RUFY2: variants seen among roughly 807,000 people sequenced by gnomAD.
RUFY2 encodes the protein RUN and FYVE domain-containing protein 2.
Under a neutral mutation model 94.4 loss-of-function variants are expected in RUFY2, and 49 were observed. The ratio of observed to expected loss-of-function variants is 0.52; its 90% confidence interval spans 0.41 to 0.66. RUFY2 has a LOEUF of 0.66. Among genes scored for constraint, RUFY2 ranks in the 30% least tolerant of loss-of-function variants. The probability of loss-of-function intolerance (pLI) is 0.00; values close to 1 mark genes in which losing one functional copy is unlikely to be tolerated. For synonymous variants in RUFY2, 255 were observed against 235.7 expected (o/e 1.08, Z -0.75); for missense variants, 541 against 692.8 (o/e 0.78, Z 2.46).
At chr10:68,350,461 A>G (rs997354927) in intron 16 of RUFY2, among the ~76,000 whole-genome samples, 41 of 152,224 alleles carry the variant, frequency 2.7e-4, no homozygotes, top group African/African-American at 9.6e-4. Flanking sequence ...GGTCAACAGC[A>G]TGGAAAAGAA....
At position 68,379,445 on chromosome 10, in the gene RUFY2, G is replaced by C; in HGVS notation, c.1184C>G (p.Ala395Gly). Residue 395 changes from alanine (A) to glycine (G), a missense_variant, in exon 12 of 18, where the codon GCC becomes GGC. This residue lies in a region of RUFY2 where 403 missense variants were observed against 480.7 expected (regional missense o/e 0.84). Transcript: ENST00000602465. Reference protein sequence around the residue: ...LEEKTNKITAAMRQLEQRLQQ... With the variant: ...LEEKTNKITAGMRQLEQRLQQ... Reference sequence around the variant, plus strand: ...GTACCTTTGTTCCAGCTGCCTCATGGCTGCAGTAATTTTATTGGTTTTTTC... The same window carrying C: ...GTACCTTTGTTCCAGCTGCCTCATGCCTGCAGTAATTTTATTGGTTTTTTC... The C allele has an allele frequency of 1.2e-6, 2 of 1,611,694 alleles. No individual in the cohort carries two copies. The highest frequency in any genetic ancestry group is 1.7e-6 in the Non-Finnish European group (2 of 1,179,056).
intron 2 of RUFY2, among the ~76,000 whole-genome samples, chr10:68,402,445 A>T (rs2050920474): frequency 6.6e-6 from 1 of 152,072 alleles, no homozygotes; most frequent in South Asian, 2.1e-4. Flanking sequence ...AAGATAGGCA[A>T]TTTTTCCCAG....
chr10:68,357,840 T>C (rs2047167984), intron 15 of RUFY2, among the ~76,000 whole-genome samples: 1 of 152,192 alleles, frequency 6.6e-6, no homozygotes, highest in African/African-American at 2.4e-5. Flanking sequence ...AATTATCTAC[T>C]GTTGATCTTT....
Position 68,394,116 on chromosome 10 carries a change from A to G in RUFY2, c.543T>C (p.Ser181=), listed in dbSNP as rs766670179. The G allele has an allele frequency of 6.7e-7, 1 of 1,502,712 alleles. No individual in the cohort carries two copies. The highest frequency in any genetic ancestry group is 1.3e-5 in the South Asian group (1 of 78,464). 93.1% of individuals were successfully genotyped at this position (1,502,712 alleles called of 1,614,324 possible). Residue 181 remains serine (S), a synonymous_variant, in exon 6 of 18, where the codon TCT becomes TCC. Transcript: ENST00000602465. ...TATCTTCTTCATTCTTTAAATACAT[A>G]GAAAAATCAATCACTCCAACCTGAA... ...LDSQVGVIDF[S]MYLKNEEDIG...
chr10:68,360,764 A>C lies in RUFY2; in HGVS notation c.1550+2826T>G, dbSNP rs542889508. On this transcript the variant is annotated intron_variant, in intron 15 of 17. Coordinates refer to ENST00000602465, the MANE Select transcript of RUFY2 (RefSeq NM_001330103.2). The stretch of plus-strand genomic sequence containing the variant: ...CTCCATCTCAAAAAACGATAATAAT[A>C]ATCATCATCATCTTTCAATAATAAG... Among the ~76,000 whole-genome samples the C allele has an allele frequency of 1.3e-4, 19 of 151,840 alleles. 1 individual carries two copies. The highest frequency in any genetic ancestry group is 6.3e-4 in the South Asian group (3 of 4,792).
chr10:68,364,903 T>C (rs2047697125), intron 13 of RUFY2, among the ~76,000 whole-genome samples: 1 of 151,830 alleles, frequency 6.6e-6, no homozygotes, highest in South Asian at 2.1e-4. Flanking sequence ...TAGTTGAATT[T>C]CCACATTTTA....
chr10:68,380,587 C>T (rs1304794558), intron 11 of RUFY2, among the ~76,000 whole-genome samples: 1 of 151,998 alleles, frequency 6.6e-6, no homozygotes, highest in African/African-American at 2.4e-5. Context: ...ATGGGCCAGG[C>T]ATGGTGGCTC....
At chr10:68,381,926 T>C (rs1221883099) in intron 10 of RUFY2, among the ~76,000 whole-genome samples, 2 of 152,210 alleles carry the variant, frequency 1.3e-5, no homozygotes, top group Non-Finnish European at 2.9e-5. Context: ...CATTACTCTT[T>C]AACGGTCCAA....
chr10:68,368,945 G>T (rs1476038713), intron 13 of RUFY2, among the ~76,000 whole-genome samples: 2 of 152,056 alleles, frequency 1.3e-5, no homozygotes, highest in Admixed American at 1.3e-4. Context: ...CAAAACACCC[G>T]AGAAAAAACC....
chr10:68,344,399 T>C lies in RUFY2; in HGVS notation c.*1369A>G, dbSNP rs532721172. The stretch of plus-strand genomic sequence containing the variant: ...AGGCTCACAAACTTAAAGTGCATGG[T>C]TAAAAATTAATGTAAAAAATAGGAT... On this transcript the variant is annotated 3_prime_UTR_variant, in exon 18 of 18. Coordinates refer to ENST00000602465, the MANE Select transcript of RUFY2 (RefSeq NM_001330103.2). The C allele has an allele frequency of 2.0e-5, 3 of 152,340 alleles. No homozygotes were observed. The South Asian group carries it at 6.2e-4, about 32-fold the overall frequency. The allele number at this position is 152,340 out of a possible 1,614,324, so 9.4% of individuals were successfully genotyped here.
At position 68,381,407 on chromosome 10, in the gene RUFY2, T is replaced by G; in HGVS notation, c.940-8A>C. On this transcript the variant is annotated splice_region_variant and splice_polypyrimidine_tract_variant and intron_variant, in intron 10 of 17. Transcript: ENST00000602465. ...TAGCTCATTCTCTACATCCTGCAATTTCAATGTATCCTCAATTCACATGCC... is the reference window on the plus strand; with the variant it reads ...TAGCTCATTCTCTACATCCTGCAATGTCAATGTATCCTCAATTCACATGCC... 3 of 1,604,610 alleles carry G rather than the reference T, an allele frequency of 1.9e-6. No individual in the cohort carries two copies. The highest frequency in any genetic ancestry group is 2.5e-6 in the Non-Finnish European group (3 of 1,176,714).
At chr10:68,349,632 G>A (rs10998078) in intron 16 of RUFY2, among the ~76,000 whole-genome samples, 3,152 of 151,808 alleles carry the variant, frequency 0.021, 48 homozygotes, top group Non-Finnish European at 0.033. Context: ...TCCGCCTCCC[G>A]GGTTCGCGCC....
In RUFY2 at chr10:68,406,035, G is replaced by T. The variant is rs796699618; in HGVS notation, c.4+1151C>A. Among the ~76,000 whole-genome samples, 26 of 152,256 alleles carry T rather than the reference G, an allele frequency of 1.7e-4. 3 individuals carry two copies. Among genetic ancestry groups the T allele is most frequent in the African/African-American group, 6.3e-4 (26 of 41,544 alleles). ...GCTTCCCCATCATCTCATCACTGTTGTGACTGGTGGGAATACCTTCAACAA... is the reference window on the plus strand; with the variant it reads ...GCTTCCCCATCATCTCATCACTGTTTTGACTGGTGGGAATACCTTCAACAA... On this transcript the variant is annotated intron_variant, in intron 1 of 17. Coordinates refer to ENST00000602465, the MANE Select transcript of RUFY2 (RefSeq NM_001330103.2).
chr10:68,348,609 A>G (rs1388770234), intron 16 of RUFY2, among the ~76,000 whole-genome samples: 1 of 152,132 alleles, frequency 6.6e-6, no homozygotes, highest in Non-Finnish European at 1.5e-5. Flanking sequence ...GATTTGCCAA[A>G]TGTCCCACAG....
At chr10:68,383,084 G>A (rs1281272033) in intron 10 of RUFY2, among the ~76,000 whole-genome samples, 1 of 152,222 alleles carries the variant, frequency 6.6e-6, no homozygotes, top group Admixed American at 6.5e-5. Context: ...CAGCACTTTG[G>A]GAGGCCAAGG....
At chr10:68,353,331 GA>G (rs372859135) in intron 16 of RUFY2, among the ~76,000 whole-genome samples, 9,464 of 112,276 alleles carry the variant, frequency 0.084, 342 homozygotes, top group Middle Eastern at 0.14. Flanking sequence ...ACCCTGTCTC[GA>G]AAAAAAAAAA....
chr10:68,386,180 G>A (rs1482089159), intron 7 of RUFY2, 52 bp from the exon 8 acceptor site: 8 of 1,454,980 alleles, frequency 5.5e-6, no homozygotes, highest in Middle Eastern at 1.8e-4. Context: ...ACTCAAAAAG[G>A]CACGAAAAAA....
intron 13 of RUFY2, among the ~76,000 whole-genome samples, chr10:68,365,329 CTG>C (rs1283110308): frequency 6.6e-6 from 1 of 152,180 alleles, no homozygotes; most frequent in African/African-American, 2.4e-5. Context: ...GCACCACTGT[CTG>C]TGTGAAGTCT....
chr10:68,371,506 C>A (rs138470364), intron 13 of RUFY2, among the ~76,000 whole-genome samples: 2 of 151,076 alleles, frequency 1.3e-5, no homozygotes, highest in South Asian at 4.2e-4. Flanking sequence ...GCAGAAGAAT[C>A]GCTTGAATCC....
Sources: gnomAD v4.1 joint callset for allele counts (sites outside exome capture counted in the v4.1 genomes callset) on GRCh38, gnomAD v4.1.1 for gene constraint, gnomAD v4.1.1 regional missense constraint, MANE v1.5 for transcripts, NCBI Gene and HGNC (gene_info 2026-07-23, HGNC 2026-07-21) for gene names.